FRMPD1: variants seen among roughly 807,000 people sequenced by gnomAD.
The protein encoded by FRMPD1 is FERM and PDZ domain-containing protein 1.
Under a neutral mutation model 117.8 loss-of-function variants are expected in FRMPD1, and 76 were observed. That is an observed-to-expected ratio of 0.65 (90% CI 0.54 to 0.78). The LOEUF (loss-of-function observed/expected upper bound fraction) is 0.78, where lower values mean the gene tolerates loss of function less well. Among genes scored for constraint, FRMPD1 ranks in the 30% least tolerant of loss-of-function variants. The probability of loss-of-function intolerance (pLI) is 0.00; values close to 1 mark genes in which losing one functional copy is unlikely to be tolerated. For missense variants in FRMPD1, 1,786 were observed against 1,964.5 expected, an observed-to-expected ratio of 0.91 and a Z score of 1.72; for synonymous variants, 783 against 770.4, an observed-to-expected ratio of 1.02 and a Z score of -0.27.
intron 1 of FRMPD1, among the ~76,000 whole-genome samples, chr9:37,655,004 T>G (rs1404116124): frequency 6.6e-6 from 1 of 151,992 alleles, no homozygotes; most frequent in Non-Finnish European, 1.5e-5. Flanking sequence ...CCCCCGGAGG[T>G]GCTCATTGAT....
At chr9:37,692,795 G>A in intron 2 of FRMPD1, 53 bp downstream of exon 2, 1 of 1,277,934 alleles carries the variant, frequency 7.8e-7, no homozygotes, top group Admixed American at 1.7e-5. Context: ...GTGTCCCGGG[G>A]GAGGAGCTTG....
chr9:37,714,620 A>G (rs62533906), intron 5 of FRMPD1, among the ~76,000 whole-genome samples: 174 of 133,116 alleles, frequency 1.3e-3, no homozygotes, highest in Middle Eastern at 3.7e-3. Context: ...ATTTTATTTT[A>G]TTTTGTTTTG....
At chr9:37,698,803 A>G (rs990885615) in intron 2 of FRMPD1, among the ~76,000 whole-genome samples, 13 of 152,028 alleles carry the variant, frequency 8.6e-5, no homozygotes, top group African/African-American at 2.7e-4. Context: ...CAATGGTGCA[A>G]CCTTGGCTCA....
chr9:37,608,531 G>T, the FRMPD1 span, among the ~76,000 whole-genome samples: 1 of 150,408 alleles, frequency 6.6e-6, no homozygotes, highest in Non-Finnish European at 1.5e-5. Flanking sequence ...GGGGAGGGTA[G>T]TTGGTCTCAC....
intron 1 of FRMPD1, among the ~76,000 whole-genome samples, chr9:37,658,836 A>G (rs1345531522): frequency 6.6e-6 from 1 of 152,124 alleles, no homozygotes; most frequent in Admixed American, 6.5e-5. Context: ...TCACATTTAC[A>G]GGTTCCTGGG....
intron 12 of FRMPD1, among the ~76,000 whole-genome samples, chr9:37,734,158 C>T (rs1824018826): frequency 6.6e-6 from 1 of 152,018 alleles, no homozygotes; most frequent in African/African-American, 2.4e-5. Context: ...CTGCTTGCTT[C>T]AGGGTAAGTA....
chr9:37,711,957 T>A (rs1180059841), intron 5 of FRMPD1, among the ~76,000 whole-genome samples: 1 of 152,094 alleles, frequency 6.6e-6, no homozygotes, highest in East Asian at 1.9e-4. Context: ...ATAATCAAAT[T>A]TTCAAAGGAA....
chr9:37,689,900 A>G (rs1376414334), intron 1 of FRMPD1, among the ~76,000 whole-genome samples: 15 of 151,936 alleles, frequency 9.9e-5, no homozygotes, highest in Admixed American at 9.8e-4. Context: ...ATTTGTTTGT[A>G]TGTAATCTTT....
chr9:37,614,621 C>T, the FRMPD1 span, among the ~76,000 whole-genome samples: 2 of 152,140 alleles, frequency 1.3e-5, no homozygotes, highest in Non-Finnish European at 1.5e-5. Context: ...CCCTGAGGTT[C>T]GGAAGTCTAA....
intron 5 of FRMPD1, among the ~76,000 whole-genome samples, chr9:37,717,641 A>G (rs1823208319): frequency 6.6e-6 from 1 of 151,972 alleles, no homozygotes; most frequent in Non-Finnish European, 1.5e-5. Context: ...CAGCCTCCCA[A>G]AGCGCTGGGA....
the FRMPD1 span, among the ~76,000 whole-genome samples, chr9:37,635,699 G>C: frequency 6.6e-6 from 1 of 152,218 alleles, no homozygotes; most frequent in South Asian, 2.1e-4. Flanking sequence ...TTGCTTTCCT[G>C]CAGGAAGCAG....
At chr9:37,691,242 C>G (rs570328485) in intron 1 of FRMPD1, among the ~76,000 whole-genome samples, 83 of 152,306 alleles carry the variant, frequency 5.4e-4, no homozygotes, top group South Asian at 2.3e-3. Context: ...AAATAAGCCT[C>G]TTATCTTCAG....
intron 1 of FRMPD1, among the ~76,000 whole-genome samples, chr9:37,679,248 G>A (rs569695929): frequency 7.9e-4 from 120 of 152,332 alleles, no homozygotes; most frequent in African/African-American, 2.8e-3. Context: ...TTGGGGAACT[G>A]TAGTTTGCTT....
chr9:37,685,651 CAA>C lies in FRMPD1; in HGVS notation c.-4-6974_-4-6973del, dbSNP rs58838015. Among the ~76,000 whole-genome samples, 23 of 144,642 alleles carry C rather than the reference CAA, an allele frequency of 1.6e-4. No homozygotes were observed. The East Asian group carries it at 2.2e-3, about 14-fold the overall frequency. 94.9% of individuals were successfully genotyped at this position (144,642 alleles called of 152,430 possible). A position where few individuals can be genotyped will look rare whatever the true frequency, so the allele number is the denominator to read the frequency against. On this transcript the variant is annotated intron_variant, in intron 1 of 15. Coordinates refer to ENST00000377765, the MANE Select transcript of FRMPD1 (RefSeq NM_014907.3). ...TAGGCGAGAAAGCGAGACTCCGTCT[CAA>C]AAAAAAAAAAAATTTGCCTTCCATT...
intron 1 of FRMPD1, among the ~76,000 whole-genome samples, chr9:37,687,709 G>A (rs1360393682): frequency 6.6e-6 from 1 of 152,102 alleles, no homozygotes; most frequent in Non-Finnish European, 1.5e-5. Context: ...TATTATAAAA[G>A]AGCTTTTACA....
At chr9:37,699,998 A>G (rs1186073268) in intron 2 of FRMPD1, among the ~76,000 whole-genome samples, 2 of 152,248 alleles carry the variant, frequency 1.3e-5, no homozygotes, top group Non-Finnish European at 2.9e-5. Flanking sequence ...CTTGGTTATT[A>G]CAACTATAAG....
intron 1 of FRMPD1, among the ~76,000 whole-genome samples, chr9:37,664,297 G>GTATTTATT (rs1361519604): frequency 7.6e-5 from 11 of 144,430 alleles, no homozygotes; most frequent in African/African-American, 3.1e-4. Context: ...ATGTATGTAT[G>GTATTTATT]TATGTATGTA....
Position 37,745,008 on chromosome 9 carries a change from AT to A in FRMPD1, c.2977del (p.Ser993LeufsTer14). ...QARPSQILPLSQDLDGIAPKE... is the reference protein window; with the variant it reads ...QARPSQILPLXQDLDGIAPKE... ...CAAGGCCTTCCCAAATCTTACCTCT[AT>A]CTCAAGACCTGGATGGGATTGCCCC... On this transcript the variant is annotated frameshift_variant, in exon 16 of 16. Coordinates refer to ENST00000377765, the MANE Select transcript of FRMPD1 (RefSeq NM_014907.3). LOFTEE classifies it low-confidence loss of function (END_TRUNC). The A allele has an allele frequency of 6.2e-7, 1 of 1,614,136 alleles. No individual in the cohort carries two copies. Among genetic ancestry groups the A allele is most frequent in the Non-Finnish European group, 8.5e-7 (1 of 1,180,016 alleles).
intron 9 of FRMPD1, among the ~76,000 whole-genome samples, 180 bp downstream of exon 9, chr9:37,731,283 T>C (rs1309925739): frequency 6.6e-6 from 1 of 152,246 alleles, no homozygotes; most frequent in Non-Finnish European, 1.5e-5. Flanking sequence ...GTTGCTGTTT[T>C]AGCAGGTGTG....
Sources: allele counts gnomAD v4.1 joint callset (sites outside exome capture counted in the v4.1 genomes callset), GRCh38; gene constraint gnomAD v4.1.1; transcripts MANE v1.5; gene names NCBI Gene and HGNC (gene_info 2026-07-23, HGNC 2026-07-21).